TMEM120B: variants seen among roughly 807,000 people sequenced by gnomAD.
TMEM120B encodes the protein transmembrane protein 120B.
Under a neutral mutation model 55.5 loss-of-function variants are expected in TMEM120B, and 31 were observed. The observed-to-expected ratio is 0.56, with a 90% confidence interval of 0.42 to 0.75. TMEM120B has a LOEUF of 0.75. Among genes scored for constraint, TMEM120B ranks in the 30% least tolerant of loss-of-function variants. The pLI, the probability that TMEM120B is intolerant of heterozygous loss-of-function variation, is 0.00. For missense variants in TMEM120B, 399 were observed against 425.5 expected, an observed-to-expected ratio of 0.94 and a Z score of 0.55; for synonymous variants, 203 against 176.3, an observed-to-expected ratio of 1.15 and a Z score of -1.20.
At chr12:121,749,383 T>A (rs1057158456) in intron 3 of TMEM120B, among the ~76,000 whole-genome samples, 3 of 152,196 alleles carry the variant, frequency 2.0e-5, no homozygotes, top group Admixed American at 6.5e-5. Flanking sequence ...TTGCAAACGA[T>A]AGAAAACCCA....
chr12:121,724,041 T>TC (rs931177931), intron 1 of TMEM120B, among the ~76,000 whole-genome samples: 4 of 138,942 alleles, frequency 2.9e-5, no homozygotes, highest in African/African-American at 1.1e-4. Context: ...TTTTTTTTTT[T>TC]TTTTTTTTTT....
rs1874444000 is a variant in TMEM120B, at chr12:121,781,205, A to G, written c.*5483A>G. ...TAGTCTTCTTGCCCTGAAAGCACAGAGCAGCGGGGGTCAGGGGACGTCCCC... is the reference window on the plus strand; with the variant it reads ...TAGTCTTCTTGCCCTGAAAGCACAGGGCAGCGGGGGTCAGGGGACGTCCCC... On this transcript the variant is annotated 3_prime_UTR_variant, in exon 12 of 12. Coordinates refer to ENST00000449592, the MANE Select transcript of TMEM120B (RefSeq NM_001080825.2). 1 of 1,611,886 alleles carries G rather than the reference A, an allele frequency of 6.2e-7. No individual in the cohort carries two copies. The highest frequency in any genetic ancestry group is 1.3e-5 in the African/African-American group (1 of 74,870).
In TMEM120B at chr12:121,779,477, G is replaced by C. The variant is rs757496655; in HGVS notation, c.*3755G>C. The C allele has an allele frequency of 3.7e-6, 6 of 1,608,718 alleles. No individual in the cohort carries two copies. The South Asian group carries it at 4.4e-5, about 12-fold the overall frequency. On this transcript the variant is annotated 3_prime_UTR_variant, in exon 12 of 12. Transcript: ENST00000449592. ...GCCCCCGGGCCCTGTCAGTGCTGTC[G>C]TGAGGTCTGTCTGCCCTGGGTCAGA...
At chr12:121,721,566 G>A (rs540229020) in intron 1 of TMEM120B, among the ~76,000 whole-genome samples, 1 of 151,792 alleles carries the variant, frequency 6.6e-6, no homozygotes, top group East Asian at 1.9e-4. Context: ...CCGCCTTCTG[G>A]TTTCAAGCAA....
chr12:121,723,356 C>T (rs1894833082), intron 1 of TMEM120B, among the ~76,000 whole-genome samples: 3 of 151,960 alleles, frequency 2.0e-5, no homozygotes, highest in Admixed American at 1.3e-4. Context: ...TCTGCAGAGA[C>T]AGGGTCTTGC....
At chr12:121,741,452 C>T (rs546412756) in intron 1 of TMEM120B, among the ~76,000 whole-genome samples, 5 of 152,236 alleles carry the variant, frequency 3.3e-5, no homozygotes, top group Admixed American at 3.3e-4. Context: ...GATTCAGCCT[C>T]CTGAATAGCT....
Position 121,775,082 on chromosome 12 carries a change from C to G in TMEM120B, c.858C>G (p.Ala286=), listed in dbSNP as rs201783870. Residue 286 remains alanine (A), a synonymous_variant, in exon 11 of 12, where the codon GCC becomes GCG. Transcript: ENST00000449592. This position sits in a 1 kb window ranked among gnomAD's most constrained non-coding sequence, Gnocchi z 4.3. The stretch of plus-strand genomic sequence containing the variant: ...TCCAGTTCTGGCAGCTCTACAATGC[C>G]GTCACGCTGTTTGAGCTCTCCAGCC... ...FCGHFWQLYN[A]VTLFELSSHE... 1.6e-4 allele frequency: 264 copies of G among 1,609,366 alleles called. No homozygotes were observed. In the African/African-American group the frequency reaches 3.3e-3, roughly 20 times the overall value.
At chr12:121,755,796 G>C (rs1466187682) in intron 5 of TMEM120B, among the ~76,000 whole-genome samples, 1 of 152,206 alleles carries the variant, frequency 6.6e-6, no homozygotes, top group African/African-American at 2.4e-5. Flanking sequence ...TATCCCACCT[G>C]AGGGTGAGGG....
At chr12:121,755,143 A>T (rs1873442846) in intron 5 of TMEM120B, among the ~76,000 whole-genome samples, 1 of 152,188 alleles carries the variant, frequency 6.6e-6, no homozygotes, top group African/African-American at 2.4e-5. Flanking sequence ...ACAGAGCAGG[A>T]TTCTCTTTTC....
intron 8 of TMEM120B, among the ~76,000 whole-genome samples, chr12:121,772,231 C>T (rs539886380): frequency 2.3e-4 from 34 of 151,076 alleles, no homozygotes; most frequent in Non-Finnish European, 4.3e-4. Flanking sequence ...TGGGTTCAAA[C>T]GATTCTTCTG....
At chr12:121,750,551 A>G in intron 4 of TMEM120B, 112 bp downstream of exon 4, 4 of 653,198 alleles carry the variant, frequency 6.1e-6, no homozygotes, top group Non-Finnish European at 7.5e-6. Flanking sequence ...CACCCACACC[A>G]ACACCCCACA....
intron 1 of TMEM120B, among the ~76,000 whole-genome samples, chr12:121,739,563 C>T (rs1039945399): frequency 2.0e-5 from 3 of 152,064 alleles, no homozygotes; most frequent in Non-Finnish European, 2.9e-5. Context: ...GCCACCACCT[C>T]CTGGGTTCAA....
intron 8 of TMEM120B, among the ~76,000 whole-genome samples, chr12:121,772,079 T>C (rs1484257520): frequency 4.3e-5 from 6 of 140,406 alleles, no homozygotes; most frequent in South Asian, 2.2e-4. Flanking sequence ...TTTTCTTTCT[T>C]TCTCTTTCTC....
Position 121,712,793 on chromosome 12 carries a change from C to T in TMEM120B, c.-103C>T, listed in dbSNP as rs1022982232. The T allele has an allele frequency of 9.7e-6, 8 of 823,716 alleles. No homozygotes were observed. Among genetic ancestry groups the T allele is most frequent in the Middle Eastern group, 3.3e-4 (1 of 2,998 alleles). 51.0% of individuals were successfully genotyped at this position (823,716 alleles called of 1,614,324 possible). ...CTGGCTGCGCAGGAACAGCTGGTGC[C>T]TCCGAGGGCGGTCGGCGAGCGCGCG... On this transcript the variant is annotated 5_prime_UTR_variant, in exon 1 of 12. Coordinates refer to ENST00000449592, the MANE Select transcript of TMEM120B (RefSeq NM_001080825.2).
At chr12:121,760,129 CAA>C (rs1006164597) in intron 5 of TMEM120B, among the ~76,000 whole-genome samples, 41 of 47,428 alleles carry the variant, frequency 8.6e-4, no homozygotes, top group African/African-American at 2.7e-3. Flanking sequence ...AACTACGTCT[CAA>C]AAAAAAAAAA....
intron 1 of TMEM120B, among the ~76,000 whole-genome samples, chr12:121,725,150 T>A (rs796428104): frequency 3.3e-4 from 50 of 152,272 alleles, no homozygotes; most frequent in African/African-American, 1.2e-3. Context: ...GCTTTGTTTG[T>A]TTGTTTGGAT....
intron 1 of TMEM120B, among the ~76,000 whole-genome samples, chr12:121,741,191 A>C (rs1314398805): frequency 6.6e-6 from 1 of 152,190 alleles, no homozygotes; most frequent in Non-Finnish European, 1.5e-5. Context: ...GATAGAGAAA[A>C]AGAACACACA....
At chr12:121,758,347 C>T (rs1003934661) in intron 5 of TMEM120B, 2 of 985,396 alleles carry the variant, frequency 2.0e-6, no homozygotes, top group East Asian at 1.1e-4. Flanking sequence ...ACAGCATGCT[C>T]CACAGCCCGG....
In TMEM120B at chr12:121,777,697, G is replaced by C. The variant is rs1177198518; in HGVS notation, c.*1975G>C. The C allele has an allele frequency of 6.6e-6, 1 of 152,218 alleles. No homozygotes were observed. The highest frequency in any genetic ancestry group is 6.5e-5 in the Admixed American group (1 of 15,274). The allele number at this position is 152,218 out of a possible 1,614,324, so 9.4% of individuals were successfully genotyped here. On this transcript the variant is annotated 3_prime_UTR_variant, in exon 12 of 12. Transcript: ENST00000449592. The stretch of plus-strand genomic sequence containing the variant: ...AGCTTTATGGGCCAGGTGGTTTGTG[G>C]CAGCTACTCTTCACCTGCAGCCCCA...
Sources: gnomAD v4.1 joint callset for allele counts (sites outside exome capture counted in the v4.1 genomes callset) on GRCh38, gnomAD v4.1.1 for gene constraint, Gnocchi (gnomAD v3.1) non-coding constraint, MANE v1.5 for transcripts, NCBI Gene and HGNC (gene_info 2026-07-23, HGNC 2026-07-21) for gene names.